Variants in GNAI2 observed in about 807,000 individuals in gnomAD.
The protein encoded by GNAI2 is guanine nucleotide-binding protein G(i) subunit alpha-2.
Under a neutral mutation model 36.8 loss-of-function variants are expected in GNAI2, and 4 were observed. That is an observed-to-expected ratio of 0.11 (90% CI 0.05 to 0.25). The LOEUF (loss-of-function observed/expected upper bound fraction) is 0.25, where lower values mean the gene tolerates loss of function less well. GNAI2 is among the 10% of genes least tolerant of loss of function. GNAI2 has a pLI of 1.00. For synonymous variants in GNAI2, 194 were observed against 194.1 expected (o/e 1.00, Z 0.01); for missense variants, 230 against 481.3 (o/e 0.48, Z 4.89).
chr3:50,246,500 T>C (rs1162883703), intron 1 of GNAI2, among the ~76,000 whole-genome samples: 1 of 152,186 alleles, frequency 6.6e-6, no homozygotes, highest in East Asian at 1.9e-4. Context: ...CGGGCTGCCT[T>C]TGTGGTGGGC....
chr3:50,259,097 T>A lies in GNAI2; in HGVS notation c.*754T>A, dbSNP rs1553703743. The A allele has an allele frequency of 8.2e-6, 3 of 367,952 alleles. No individual in the cohort carries two copies. The highest frequency in any genetic ancestry group is 6.5e-5 in the African/African-American group (3 of 45,886). 22.8% of individuals were successfully genotyped at this position (367,952 alleles called of 1,614,324 possible). Reference sequence around the variant, plus strand: ...CTGCCCTGCCCTCCACAGAATTGGGTTCCAAGGGCTGTTCCAGACAACTGC... The same window carrying A: ...CTGCCCTGCCCTCCACAGAATTGGGATCCAAGGGCTGTTCCAGACAACTGC... On this transcript the variant is annotated 3_prime_UTR_variant, in exon 9 of 9. Transcript: ENST00000313601.
chr3:50,251,378 G>C, intron 1 of GNAI2: 2 of 1,012,416 alleles, frequency 2.0e-6, no homozygotes, highest in South Asian at 3.6e-5. Flanking sequence ...ATATGGGCCA[G>C]GGCTGTACCA....
exon 1 of GNAI2, chr3:50,230,937 G>A: frequency 1.0e-6 from 1 of 985,420 alleles, no homozygotes; most frequent in Non-Finnish European, 1.2e-6. Context: ...GTACCTCACT[G>A]ATGACTGTGA....
At chr3:50,227,497 G>T (rs1323125649), upstream of GNAI2, 2 of 240,102 alleles carry the variant, frequency 8.3e-6, no homozygotes, top group Non-Finnish European at 8.0e-6. This position sits in a 1 kb window ranked among gnomAD's most constrained non-coding sequence, Gnocchi z 5.9. Context: ...CCCCAGGCCC[G>T]CCAGGAGGCG....
chr3:50,232,260 G>C (rs1320722510), upstream of GNAI2, among the ~76,000 whole-genome samples: 1 of 152,176 alleles, frequency 6.6e-6, no homozygotes, highest in African/African-American at 2.4e-5. Context: ...AACCCAGGAG[G>C]CGGAGGTTGC....
chr3:50,250,832 C>T (rs1382555121), intron 1 of GNAI2, among the ~76,000 whole-genome samples: 1 of 148,984 alleles, frequency 6.7e-6, no homozygotes, highest in Non-Finnish European at 1.5e-5. Flanking sequence ...TTTTTTAGAC[C>T]AAGTTTCGCT....
chr3:50,248,279 C>T (rs1221175537), intron 1 of GNAI2, among the ~76,000 whole-genome samples: 2 of 152,120 alleles, frequency 1.3e-5, no homozygotes, highest in Non-Finnish European at 2.9e-5. Flanking sequence ...CTCAGCCACC[C>T]CTCTGAGAGG....
At chr3:50,244,217 C>T (rs1049824457) in intron 1 of GNAI2, among the ~76,000 whole-genome samples, 5 of 151,998 alleles carry the variant, frequency 3.3e-5, no homozygotes, top group African/African-American at 7.2e-5. Flanking sequence ...TTAATAGAGA[C>T]GGGGTTTCAC....
At chr3:50,228,180 C>T (rs2109167653), upstream of GNAI2, among the ~76,000 whole-genome samples, 1 of 152,346 alleles carries the variant, frequency 6.6e-6, no homozygotes, top group South Asian at 2.1e-4. Context: ...GAATGGTGCC[C>T]ACCTCCTATC....
chr3:50,232,294 C>T (rs148590139), upstream of GNAI2, among the ~76,000 whole-genome samples: 2,389 of 152,208 alleles, frequency 0.016, 67 homozygotes, highest in African/African-American at 0.054. Flanking sequence ...CATGCCACTG[C>T]GCTCCAGCTT....
intron 1 of GNAI2, chr3:50,251,465 C>G: frequency 9.5e-7 from 1 of 1,050,400 alleles, no homozygotes; most frequent in Non-Finnish European, 1.2e-6. Flanking sequence ...CTCCCAGATT[C>G]ATGAGTCAGT....
chr3:50,259,052 C>T lies in GNAI2; in HGVS notation c.*709C>T. ...TTTACACCCGTCCCTCTGCTGGCCG[C>T]CCCCGTGCGAGCGGCACCCCTGCCC... On this transcript the variant is annotated 3_prime_UTR_variant, in exon 9 of 9. Coordinates refer to ENST00000313601, the MANE Select transcript of GNAI2 (RefSeq NM_002070.4). 1 of 406,494 alleles carries T rather than the reference C, an allele frequency of 2.5e-6. No individual in the cohort carries two copies. The highest frequency in any genetic ancestry group is 1.8e-5 in the South Asian group (1 of 57,050). 25.2% of individuals were successfully genotyped at this position (406,494 alleles called of 1,614,324 possible).
At chr3:50,237,805 A>G (rs2109182929) in intron 1 of GNAI2, among the ~76,000 whole-genome samples, 1 of 151,858 alleles carries the variant, frequency 6.6e-6, no homozygotes, top group East Asian at 1.9e-4. Context: ...ACAGCGCAGC[A>G]CCGTTGTAGG....
chr3:50,256,449 C>T, intron 5 of GNAI2, 129 bp downstream of exon 5: 3 of 863,896 alleles, frequency 3.5e-6, no homozygotes, highest in Admixed American at 1.9e-5. Context: ...TGGGCAAGCA[C>T]ATCCTCACCA....
At chr3:50,244,978 T>G (rs587724830) in intron 1 of GNAI2, among the ~76,000 whole-genome samples, 16 of 151,852 alleles carry the variant, frequency 1.1e-4, no homozygotes, top group African/African-American at 3.9e-4. Flanking sequence ...TATCCAGCAC[T>G]AGAATCTGTG....
intron 1 of GNAI2, among the ~76,000 whole-genome samples, chr3:50,237,775 G>T (rs994216101): frequency 6.6e-6 from 1 of 151,194 alleles, no homozygotes; most frequent in African/African-American, 2.4e-5. Context: ...TTTAGAGTTG[G>T]GGGGAGGGAG....
At chr3:50,243,732 T>G (rs918969355) in intron 1 of GNAI2, among the ~76,000 whole-genome samples, 1 of 152,224 alleles carries the variant, frequency 6.6e-6, no homozygotes, top group Admixed American at 6.5e-5. Flanking sequence ...TTTATGCACT[T>G]AAACAGGGAA....
Position 50,258,984 on chromosome 3 carries a change from GC to G in GNAI2, c.*647del. 1 of 412,924 alleles carries G rather than the reference GC, an allele frequency of 2.4e-6. No homozygotes were observed. The highest frequency in any genetic ancestry group is 1.7e-5 in the South Asian group (1 of 60,582). The allele number at this position is 412,924 out of a possible 1,614,324, so 25.6% of individuals were successfully genotyped here. A position where few individuals can be genotyped will look rare whatever the true frequency, so the allele number is the denominator to read the frequency against. Reference sequence around the variant, plus strand: ...ATCCTGACCAGCAAGCCCCCCCCCAGCCCCCCTTCCAAGTGACTCCGTGCCT... The same window carrying G: ...ATCCTGACCAGCAAGCCCCCCCCCAGCCCCCTTCCAAGTGACTCCGTGCCT... On this transcript the variant is annotated 3_prime_UTR_variant, in exon 9 of 9. Transcript: ENST00000313601.
Position 50,238,932 on chromosome 3 carries a change from C to G in GNAI2, c.118+2479C>G, listed in dbSNP as rs1264174667. Among the ~76,000 whole-genome samples, 1 of 152,236 alleles carries G rather than the reference C, an allele frequency of 6.6e-6. No individual in the cohort carries two copies. On this transcript the variant is annotated intron_variant, in intron 1 of 8. Transcript: ENST00000313601. The surrounding 1 kb of genome is among the most constrained non-coding windows in gnomAD (Gnocchi z 5.0). ...GCTGCCCCGCCCGCACACCGCCTCCCTCCCATCTTGGGTAGCCCTGCCAGC... is the reference window on the plus strand; with the variant it reads ...GCTGCCCCGCCCGCACACCGCCTCCGTCCCATCTTGGGTAGCCCTGCCAGC...
Sources: gnomAD v4.1 joint callset for allele counts (sites outside exome capture counted in the v4.1 genomes callset) on GRCh38, gnomAD v4.1.1 for gene constraint, Gnocchi (gnomAD v3.1) non-coding constraint, MANE v1.5 for transcripts, NCBI Gene and HGNC (gene_info 2026-07-23, HGNC 2026-07-21) for gene names.